TAFA2: variants seen among roughly 807,000 people sequenced by gnomAD.
TAFA2 encodes the protein TAFA chemokine like family member 2.
A neutral mutation model predicts 18.8 loss-of-function variants in TAFA2; 7 were observed. The observed-to-expected ratio is 0.37, with a 90% confidence interval of 0.21 to 0.70. TAFA2 has a LOEUF of 0.70. Ranked by LOEUF, TAFA2 falls within the 30% of genes least tolerant of loss-of-function variation. The pLI, the probability that TAFA2 is intolerant of heterozygous loss-of-function variation, is 0.53. For missense variants in TAFA2, 122 were observed against 158.1 expected (o/e 0.77, Z 1.23); for synonymous variants, 60 against 54.2 (o/e 1.11, Z -0.47).
intron 1 of TAFA2, among the ~76,000 whole-genome samples, chr12:62,079,481 C>T (rs368456304): frequency 1.1e-4 from 16 of 147,634 alleles, no homozygotes; most frequent in African/African-American, 4.1e-4. Context: ...GGTGAAACCC[C>T]GTCTCTACTA....
At position 61,709,066 on chromosome 12, in the gene TAFA2, A is replaced by C. The variant is rs1436116777; in HGVS notation, c.*1340T>G. On this transcript the variant is annotated 3_prime_UTR_variant, in exon 5 of 5. Transcript: ENST00000416284. ...ATTCCTTCAAACTATAGGTTTACACAATATTGTTACAGAATGGCTATGCAC... is the reference window on the plus strand; with the variant it reads ...ATTCCTTCAAACTATAGGTTTACACCATATTGTTACAGAATGGCTATGCAC... 6.6e-6 allele frequency: 1 copy of C among 152,542 alleles called. No individual in the cohort carries two copies. The highest frequency in any genetic ancestry group is 1.5e-5 in the Non-Finnish European group (1 of 67,994). The allele number at this position is 152,542 out of a possible 1,614,324, so 9.4% of individuals were successfully genotyped here.
intron 1 of TAFA2, among the ~76,000 whole-genome samples, chr12:61,943,427 T>A (rs1370556317): frequency 6.7e-6 from 1 of 149,464 alleles, no homozygotes; most frequent in Non-Finnish European, 1.5e-5. Context: ...AACATCATAA[T>A]GACAGGATCA....
At chr12:62,197,243 T>A (rs898109896), upstream of TAFA2, among the ~76,000 whole-genome samples, 1 of 152,246 alleles carries the variant, frequency 6.6e-6, no homozygotes, top group African/African-American at 2.4e-5. Context: ...TGGGGACTGC[T>A]GCAATAAAGT....
At chr12:62,092,935 G>A (rs1226441449) in intron 1 of TAFA2, among the ~76,000 whole-genome samples, 8 of 151,918 alleles carry the variant, frequency 5.3e-5, no homozygotes, top group South Asian at 2.1e-4. Context: ...GTGAATACTC[G>A]GCACTTACCA....
At chr12:62,036,498 T>C (rs1881615793) in intron 1 of TAFA2, among the ~76,000 whole-genome samples, 7 of 152,164 alleles carry the variant, frequency 4.6e-5, no homozygotes, top group Admixed American at 4.6e-4. Context: ...TACTTCCCCA[T>C]TGTCCATTCA....
intron 1 of TAFA2, among the ~76,000 whole-genome samples, chr12:62,233,859 A>T (rs1222666600): frequency 6.6e-6 from 1 of 152,162 alleles, no homozygotes; most frequent in Non-Finnish European, 1.5e-5. Context: ...GGCCACTAGT[A>T]ACACAGACCG....
At chr12:61,748,840 T>C (rs970994259) in intron 4 of TAFA2, among the ~76,000 whole-genome samples, 2 of 152,086 alleles carry the variant, frequency 1.3e-5, no homozygotes, top group African/African-American at 4.8e-5. Flanking sequence ...AAACCTTGGT[T>C]AGAGAAATTT....
At chr12:62,095,534 T>C (rs1868912626) in intron 1 of TAFA2, among the ~76,000 whole-genome samples, 1 of 152,086 alleles carries the variant, frequency 6.6e-6, no homozygotes, top group East Asian at 1.9e-4. Context: ...TATATCTGAG[T>C]GGCACAGCTC....
intron 1 of TAFA2, among the ~76,000 whole-genome samples, chr12:62,197,824 T>C (rs1235323047): frequency 2.0e-5 from 3 of 152,236 alleles, no homozygotes; most frequent in African/African-American, 7.2e-5. Context: ...ATTGTAGATA[T>C]ACCACAATTT....
chr12:61,927,729 C>T (rs1877365721), intron 1 of TAFA2, among the ~76,000 whole-genome samples: 1 of 152,168 alleles, frequency 6.6e-6, no homozygotes, highest in Non-Finnish European at 1.5e-5. Context: ...AAGAACAAAG[C>T]TGGAGGCATC....
At chr12:61,721,522 T>C (rs1177041903) in intron 4 of TAFA2, among the ~76,000 whole-genome samples, 1 of 152,186 alleles carries the variant, frequency 6.6e-6, no homozygotes, top group Non-Finnish European at 1.5e-5. Context: ...TAGTCACCCC[T>C]GGGCGGCATT....
intron 2 of TAFA2, among the ~76,000 whole-genome samples, chr12:61,839,314 A>G (rs1453827281): frequency 6.6e-6 from 1 of 152,104 alleles, no homozygotes; most frequent in Non-Finnish European, 1.5e-5. Context: ...CTCAGTTGCT[A>G]CATAAGAAGG....
chr12:61,880,614 C>T (rs1875085066), intron 1 of TAFA2: 1 of 419,088 alleles, frequency 2.4e-6, no homozygotes, highest in South Asian at 1.8e-5. Context: ...GGGGGCCTCA[C>T]AAGCCCCCCT....
chr12:62,080,272 G>A (rs1868298842), intron 1 of TAFA2, among the ~76,000 whole-genome samples: 1 of 152,208 alleles, frequency 6.6e-6, no homozygotes. Flanking sequence ...GAAATGCCCA[G>A]TCTCTTTTAA....
chr12:62,017,392 G>A (rs985773978), intron 1 of TAFA2, among the ~76,000 whole-genome samples: 5 of 152,096 alleles, frequency 3.3e-5, no homozygotes, highest in African/African-American at 4.8e-5. Flanking sequence ...ATTTGTAAAT[G>A]CAATTTAATT....
intron 1 of TAFA2, among the ~76,000 whole-genome samples, chr12:61,984,149 A>C (rs1392496212): frequency 2.0e-5 from 3 of 152,248 alleles, no homozygotes; most frequent in Non-Finnish European, 4.4e-5. Context: ...AGACACACTA[A>C]AAGCAAGGAT....
rs547169626 is a variant in TAFA2, at chr12:61,714,079, TA to T, written c.385-3663del. Among the ~76,000 whole-genome samples the T allele has an allele frequency of 3.4e-4, 52 of 152,264 alleles. No individual in the cohort carries two copies. The South Asian group carries it at 5.8e-3, about 17-fold the overall frequency. ...AGTAACTAAAAGCAGGAGGTTGCAA[TA>T]AAATCAGTTTTACAGGATGGGAGAT... On this transcript the variant is annotated intron_variant, in intron 4 of 4. Transcript: ENST00000416284.
chr12:61,745,150 TA>T (rs1296905335), intron 4 of TAFA2, among the ~76,000 whole-genome samples: 4 of 152,118 alleles, frequency 2.6e-5, no homozygotes, highest in Non-Finnish European at 5.9e-5. Context: ...TAAGGTGTTA[TA>T]CCATATTTAG....
intron 1 of TAFA2, among the ~76,000 whole-genome samples, chr12:62,051,443 G>T (rs1374593169): frequency 6.6e-6 from 1 of 152,046 alleles, no homozygotes; most frequent in Non-Finnish European, 1.5e-5. Flanking sequence ...CTTATGAGAG[G>T]ATACAAGGTC....
Sources: gnomAD v4.1 joint callset for allele counts (sites outside exome capture counted in the v4.1 genomes callset) on GRCh38, gnomAD v4.1.1 for gene constraint, MANE v1.5 for transcripts, NCBI Gene and HGNC (gene_info 2026-07-23, HGNC 2026-07-21) for gene names.